The following SH3D19 variants were observed in gnomAD, a reference collection of about 807,000 sequenced individuals.
SH3D19 encodes SH3 domain containing 19, also known as SH3 domain-containing protein 19.
SH3D19 carries 58 observed loss-of-function variants against 112.1 expected under a neutral mutation model. The ratio of observed to expected loss-of-function variants is 0.52; its 90% confidence interval spans 0.42 to 0.64. The LOEUF (loss-of-function observed/expected upper bound fraction) is 0.64. Among genes scored for constraint, SH3D19 ranks in the 30% least tolerant of loss-of-function variants. The probability of loss-of-function intolerance (pLI) is 0.00; values close to 1 mark genes in which losing one functional copy is unlikely to be tolerated. For synonymous variants in SH3D19, 391 were observed against 448.5 expected, an observed-to-expected ratio of 0.87 and a Z score of 1.62; for missense variants, 1,090 against 1,263.4, an observed-to-expected ratio of 0.86 and a Z score of 2.08.
intron 1 of SH3D19, among the ~76,000 whole-genome samples, chr4:151,233,207 C>T (rs1316668004): frequency 1.3e-5 from 2 of 151,838 alleles, no homozygotes; most frequent in African/African-American, 2.4e-5. Flanking sequence ...AGGGCTCCCA[C>T]TGATTCTACA....
intron 7 of SH3D19, 58 bp from the exon 8 acceptor site, chr4:151,165,754 A>G: frequency 7.1e-7 from 1 of 1,411,944 alleles, no homozygotes; most frequent in Non-Finnish European, 1.0e-6. Flanking sequence ...GAAACAAAAA[A>G]CCTCATTCAT....
intron 13 of SH3D19, among the ~76,000 whole-genome samples, chr4:151,138,294 A>G (rs1237483238): frequency 6.6e-6 from 1 of 152,248 alleles, no homozygotes; most frequent in Non-Finnish European, 1.5e-5. Flanking sequence ...AAGTTTACCC[A>G]TACCAAAACA....
chr4:151,267,314 G>A lies in SH3D19; in HGVS notation c.113-41228C>T, dbSNP rs976107352. Among the ~76,000 whole-genome samples, 4 of 151,730 alleles carry A rather than the reference G, an allele frequency of 2.6e-5. 1 individual carries two copies. The highest frequency in any genetic ancestry group is 4.1e-4 in the South Asian group (2 of 4,820). Reference sequence around the variant, plus strand: ...TGCGCCACTACACTCTAGCCTGGGCGACAGAGCAAGACCCTGTTGTCAAAG... The same window carrying A: ...TGCGCCACTACACTCTAGCCTGGGCAACAGAGCAAGACCCTGTTGTCAAAG... On this transcript the variant is annotated intron_variant, in intron 1 of 19. Coordinates refer to ENST00000604030, the MANE Select transcript of SH3D19 (RefSeq NM_001378122.1).
chr4:151,133,304 C>A, intron 15 of SH3D19, 68 bp from the exon 16 acceptor site: 1 of 1,273,644 alleles, frequency 7.9e-7, no homozygotes, highest in Non-Finnish European at 1.1e-6. Flanking sequence ...AACCTTCATT[C>A]AGTCTTTCAA....
At chr4:151,300,175 T>C (rs1267265908) in intron 1 of SH3D19, among the ~76,000 whole-genome samples, 7 of 151,882 alleles carry the variant, frequency 4.6e-5, no homozygotes, top group African/African-American at 1.7e-4. Flanking sequence ...CACTCCAGCC[T>C]GGGCAACAAG....
chr4:151,123,091 C>T (rs924097558), intron 19 of SH3D19, among the ~76,000 whole-genome samples: 1 of 152,188 alleles, frequency 6.6e-6, no homozygotes, highest in South Asian at 2.1e-4. Context: ...ACCTTGTGAT[C>T]CGCCCACCTT....
intron 9 of SH3D19, among the ~76,000 whole-genome samples, chr4:151,154,362 G>A (rs1021499166): frequency 2.0e-5 from 3 of 149,702 alleles, no homozygotes; most frequent in Non-Finnish European, 2.9e-5. Context: ...TTGAACTCCC[G>A]ACCTCAGGCG....
rs1000967531 is a variant in SH3D19 at position 151,148,288 on chromosome 4, C to G, written c.1818-102G>C. 543 of 823,728 alleles carry G rather than the reference C, an allele frequency of 6.6e-4. 2 individuals are homozygous for G. The highest frequency in any genetic ancestry group is 3.9e-4 in the Admixed American group (12 of 30,962). 51.0% of individuals were successfully genotyped at this position (823,728 alleles called of 1,614,324 possible). A position where few individuals can be genotyped will look rare whatever the true frequency, so the allele number is the denominator to read the frequency against. On this transcript the variant is annotated intron_variant, in intron 10 of 19. Transcript: ENST00000604030. Reference sequence around the variant, plus strand: ...ACACACACACACACACACACACACACAGAGACACAGCTTTCTGCTAGTGGA... The same window carrying G: ...ACACACACACACACACACACACACAGAGAGACACAGCTTTCTGCTAGTGGA...
intron 1 of SH3D19, chr4:151,282,116 C>T (rs1369802101): frequency 8.1e-6 from 13 of 1,609,544 alleles, no homozygotes; most frequent in Non-Finnish European, 1.1e-5. Flanking sequence ...CAGCTGCAGG[C>T]CATAAGCAGG....
chr4:151,177,473 C>T (rs1484763853), intron 4 of SH3D19, among the ~76,000 whole-genome samples: 1 of 152,126 alleles, frequency 6.6e-6, no homozygotes, highest in Non-Finnish European at 1.5e-5. Flanking sequence ...CTCAGCCTCC[C>T]GAGCAGCTGG....
chr4:151,156,437 T>C (rs1396029799), intron 9 of SH3D19, among the ~76,000 whole-genome samples: 1 of 152,076 alleles, frequency 6.6e-6, no homozygotes, highest in Non-Finnish European at 1.5e-5. Flanking sequence ...CACAAAGATG[T>C]AGTAGCAAAA....
chr4:151,245,800 C>T (rs6824195), intron 1 of SH3D19, among the ~76,000 whole-genome samples: 49,872 of 152,052 alleles, frequency 0.33, 9,495 homozygotes, highest in Non-Finnish European at 0.44. Flanking sequence ...CGAGGTTTCA[C>T]CATATTGGCC....
At position 151,174,958 on chromosome 4, in the gene SH3D19, G is replaced by A. The variant is rs201060063; in HGVS notation, c.1246C>T (p.Pro416Ser). 1.5e-5 allele frequency: 25 copies of A among 1,614,162 alleles called. No homozygotes were observed. The African/African-American group carries it at 1.6e-4, about 10-fold the overall frequency. ...AGCAAAGGCCGCGGGGCAGGAGTTG[G>A]CACTTTCTTCCCACTATCAGAGCTC... ...AESSDSGKKV[P>S]TPAPRPLLLK... is the part of the protein sequence containing the mutation. The change falls in exon 7 of 20, where the codon CCA (proline) becomes TCA (serine). Residue 416 changes from proline to serine, a missense_variant. Transcript: ENST00000604030.
intron 15 of SH3D19, among the ~76,000 whole-genome samples, chr4:151,133,792 C>T (rs10011421): frequency 0.96 from 146,388 of 152,260 alleles, 70,591 homozygotes; most frequent in Non-Finnish European, 0.99. Context: ...TGGAACTAAC[C>T]CTGTTGCCTT....
intron 1 of SH3D19, among the ~76,000 whole-genome samples, chr4:151,245,110 C>A (rs1227631742): frequency 6.6e-6 from 1 of 151,918 alleles, no homozygotes; most frequent in Non-Finnish European, 1.5e-5. Context: ...CGCCACTACA[C>A]TCCAGCCTGG....
chr4:151,241,497 A>G (rs1770556123), intron 1 of SH3D19, among the ~76,000 whole-genome samples: 1 of 149,238 alleles, frequency 6.7e-6, no homozygotes, highest in South Asian at 2.1e-4. Flanking sequence ...AATGTTCTAA[A>G]ATTGATTATA....
At chr4:151,182,718 A>C (rs573423495) in intron 3 of SH3D19, among the ~76,000 whole-genome samples, 1 of 152,310 alleles carries the variant, frequency 6.6e-6, no homozygotes, top group Non-Finnish European at 1.5e-5. Context: ...TTTGGTTTTC[A>C]CTGCAGATTT....
intron 1 of SH3D19, among the ~76,000 whole-genome samples, chr4:151,311,821 C>T (rs1355335070): frequency 1.3e-5 from 2 of 152,118 alleles, no homozygotes; most frequent in Non-Finnish European, 2.9e-5. Flanking sequence ...GCCTGGGCAA[C>T]AGAGTGAGAC....
chr4:151,264,943 G>C (rs1399316590), intron 1 of SH3D19, among the ~76,000 whole-genome samples: 1 of 152,124 alleles, frequency 6.6e-6, no homozygotes, highest in Non-Finnish European at 1.5e-5. Context: ...AATAAGGAAG[G>C]AGTTTTGGCA....
Sources: allele counts gnomAD v4.1 joint callset (sites outside exome capture counted in the v4.1 genomes callset), GRCh38; gene constraint gnomAD v4.1.1; transcripts MANE v1.5; gene names NCBI Gene and HGNC (gene_info 2026-07-23, HGNC 2026-07-21).